The following EPHB2 variants were observed in gnomAD, a reference collection of about 807,000 sequenced individuals.
EPHB2 encodes EPH receptor B2.
Under a neutral mutation model 96.4 loss-of-function variants are expected in EPHB2, and 18 were observed. The ratio of observed to expected loss-of-function variants is 0.19; its 90% CI spans 0.13 to 0.28. The LOEUF (loss-of-function observed/expected upper bound fraction) is 0.28. Among genes scored for constraint, EPHB2 ranks in the 10% least tolerant of loss-of-function variants. EPHB2 has a pLI of 1.00. For synonymous variants in EPHB2, 506 were observed against 534.1 expected, an observed-to-expected ratio of 0.95 and a Z score of 0.72; for missense variants, 989 against 1,355.4, an observed-to-expected ratio of 0.73 and a Z score of 4.25.
intron 1 of EPHB2, among the ~76,000 whole-genome samples, chr1:22,779,553 A>G (rs1333611713): frequency 6.6e-6 from 1 of 152,186 alleles, no homozygotes; most frequent in East Asian, 1.9e-4. Context: ...GGACCTTCTC[A>G]GCTGCCTAGA....
chr1:22,784,864 T>C lies in EPHB2; in HGVS notation c.599T>C (p.Ile200Thr), dbSNP rs903253398. The part of the protein sequence containing the change: ...VRVFYRKCPR[I>T]IQNGAIFQET... Reference sequence around the variant, plus strand: ...GTCTTCTACCGCAAGTGCCCCCGCATCATCCAGAATGGCGCCATCTTCCAG... The same window carrying C: ...GTCTTCTACCGCAAGTGCCCCCGCACCATCCAGAATGGCGCCATCTTCCAG... Residue 200 changes from isoleucine to threonine, a missense_variant, in exon 3 of 16, where the codon ATC becomes ACC. Ile to Thr is a moderately conservative substitution (Grantham distance 89, BLOSUM62 -1). Coordinates refer to ENST00000374630, the MANE Select transcript of EPHB2 (RefSeq NM_017449.5). The surrounding 1 kb of genome is among the most constrained non-coding windows in gnomAD (Gnocchi z 5.1). 6.2e-7 allele frequency: 1 copy of C among 1,612,700 alleles called. No homozygotes were observed. The highest frequency in any genetic ancestry group is 1.3e-5 in the African/African-American group (1 of 75,062).
chr1:22,781,692 G>A (rs1422668125), intron 2 of EPHB2, among the ~76,000 whole-genome samples: 1 of 152,050 alleles, frequency 6.6e-6, no homozygotes, highest in Non-Finnish European at 1.5e-5. Flanking sequence ...ATGACAACAG[G>A]CTGGATGCTT....
intron 1 of EPHB2, among the ~76,000 whole-genome samples, chr1:22,766,158 C>T (rs565992592): frequency 2.6e-5 from 4 of 152,288 alleles, no homozygotes; most frequent in East Asian, 3.9e-4. Context: ...GGGAGGCAGC[C>T]GGGAGGAAGC....
intron 1 of EPHB2, among the ~76,000 whole-genome samples, chr1:22,721,430 C>T (rs1481060622): frequency 6.6e-6 from 1 of 152,136 alleles, no homozygotes; most frequent in African/African-American, 2.4e-5. Flanking sequence ...TCAGAGACTC[C>T]AGACTTGTGA....
At position 22,906,764 on chromosome 1, in the gene EPHB2, T is replaced by G; in HGVS notation, c.1943T>G (p.Ile648Ser). Reference sequence around the variant, plus strand: ...CTGAAGCTGCCAGGCAAGAGAGAGATCTTTGTGGCCATCAAGACGCTCAAG... The same window carrying G: ...CTGAAGCTGCCAGGCAAGAGAGAGAGCTTTGTGGCCATCAAGACGCTCAAG... ...GHLKLPGKRE[I>S]FVAIKTLKSG... The change falls in exon 11 of 16, where the codon ATC (isoleucine) becomes AGC (serine). Residue 648 changes from isoleucine to serine, a missense_variant. Coordinates refer to ENST00000374630, the MANE Select transcript of EPHB2 (RefSeq NM_017449.5). The surrounding 1 kb of genome is among the most constrained non-coding windows in gnomAD (Gnocchi z 4.8). The G allele has an allele frequency of 6.2e-7, 1 of 1,614,058 alleles. No homozygotes were observed. Among genetic ancestry groups the G allele is most frequent in the Non-Finnish European group, 8.5e-7 (1 of 1,180,016 alleles).
chr1:22,736,612 A>G (rs1183956351), intron 1 of EPHB2, among the ~76,000 whole-genome samples: 1 of 152,126 alleles, frequency 6.6e-6, no homozygotes, highest in East Asian at 1.9e-4. Flanking sequence ...GCCCCTTCAC[A>G]GCTTCAGCAC....
chr1:22,754,972 C>T (rs1038484940), intron 1 of EPHB2, among the ~76,000 whole-genome samples: 4 of 60,808 alleles, frequency 6.6e-5, no homozygotes, highest in Admixed American at 3.3e-4. Context: ...AGAGGTGAGC[C>T]GAAGGGCCTG....
chr1:22,857,972 T>C (rs370281004), intron 3 of EPHB2, among the ~76,000 whole-genome samples: 23 of 152,208 alleles, frequency 1.5e-4, no homozygotes, highest in African/African-American at 5.3e-4. Context: ...TTTTCTAATA[T>C]AATTACAAAT....
rs1645728835 is a variant in EPHB2, at chr1:22,858,094, G to A, written c.812-4943G>A. Among the ~76,000 whole-genome samples the A allele has an allele frequency of 1.3e-5, 2 of 152,146 alleles. No individual in the cohort carries two copies. Reference sequence around the variant, plus strand: ...TCTCGGAGGAGGTGGCATTTAAGCTGGGGTCTGAAGGAGGAAAAGGAGCCA... The same window carrying A: ...TCTCGGAGGAGGTGGCATTTAAGCTAGGGTCTGAAGGAGGAAAAGGAGCCA... On this transcript the variant is annotated intron_variant, in intron 3 of 15. Coordinates refer to ENST00000374630, the MANE Select transcript of EPHB2 (RefSeq NM_017449.5). This position sits in a 1 kb window ranked among gnomAD's most constrained non-coding sequence, Gnocchi z 7.7.
At chr1:22,882,798 T>G in intron 6 of EPHB2, 1 of 360,736 alleles carries the variant, frequency 2.8e-6, no homozygotes, top group Non-Finnish European at 5.4e-6. Context: ...AGTGGCTTGA[T>G]GTTGGGAAAA....
chr1:22,912,658 A>G (rs1640147272), intron 15 of EPHB2, 59 bp downstream of exon 15: 1 of 1,604,548 alleles, frequency 6.2e-7, no homozygotes, highest in African/African-American at 1.3e-5. Flanking sequence ...CGGCCCCACC[A>G]GCCAAGTGGG....
chr1:22,864,034 C>CTTTTT (rs201727615), intron 4 of EPHB2, among the ~76,000 whole-genome samples: 47 of 131,180 alleles, frequency 3.6e-4, no homozygotes, highest in African/African-American at 1.5e-3. Context: ...AGTTTCTGTT[C>CTTTTT]TTTTTTTTTT....
intron 5 of EPHB2, among the ~76,000 whole-genome samples, chr1:22,865,972 CCA>C (rs1487720309): frequency 2.0e-5 from 3 of 152,058 alleles, no homozygotes; most frequent in African/African-American, 7.2e-5. Flanking sequence ...TTGCCGGCCA[CCA>C]CAGTCTCCCC....
chr1:22,799,976 C>G (rs1310208957), intron 3 of EPHB2, among the ~76,000 whole-genome samples: 1 of 152,200 alleles, frequency 6.6e-6, no homozygotes, highest in Non-Finnish European at 1.5e-5. Context: ...TTTTAAAGAC[C>G]TAAGAGTGGT....
intron 5 of EPHB2, among the ~76,000 whole-genome samples, chr1:22,866,911 G>A (rs926719121): frequency 6.6e-6 from 1 of 152,250 alleles, no homozygotes; most frequent in Non-Finnish European, 1.5e-5. Flanking sequence ...TCCAGCCTGG[G>A]TGACAAGAGC....
chr1:22,753,697 GC>G (rs139107008), intron 1 of EPHB2, among the ~76,000 whole-genome samples: 8,428 of 152,226 alleles, frequency 0.055, 774 homozygotes, highest in African/African-American at 0.19. Flanking sequence ...GAGTGGACGG[GC>G]CCCCTGGGGA....
rs369842280 is a variant in EPHB2, at chr1:22,892,249, C to A, written c.1429-635C>A. ...AAGGCATAGGGCAGGGAAGGGGATA[C>A]AGAAGTGAATGAGGTGGGCCTTCTC... On this transcript the variant is annotated intron_variant, in intron 6 of 15. Coordinates refer to ENST00000374630, the MANE Select transcript of EPHB2 (RefSeq NM_017449.5). Among the ~76,000 whole-genome samples, 30 of 152,284 alleles carry A rather than the reference C, an allele frequency of 2.0e-4. No homozygotes were observed. The South Asian group carries it at 5.8e-3, about 29-fold the overall frequency.
intron 4 of EPHB2, among the ~76,000 whole-genome samples, chr1:22,864,292 T>C (rs998573154): frequency 6.6e-6 from 1 of 151,856 alleles, no homozygotes; most frequent in African/African-American, 2.4e-5. Flanking sequence ...GTGATCCGCC[T>C]GCCTCGGCCT....
chr1:22,764,884 G>T (rs1229490334), intron 1 of EPHB2, among the ~76,000 whole-genome samples: 1 of 152,206 alleles, frequency 6.6e-6, no homozygotes, highest in Non-Finnish European at 1.5e-5. Flanking sequence ...CGCTCCAGTG[G>T]CAGATACAAG....
Sources: allele counts gnomAD v4.1 joint callset (sites outside exome capture counted in the v4.1 genomes callset), GRCh38; gene constraint gnomAD v4.1.1; non-coding constraint Gnocchi (gnomAD v3.1); transcripts MANE v1.5; gene names NCBI Gene and HGNC (gene_info 2026-07-23, HGNC 2026-07-21).